Variants in PSMD5 observed in about 807,000 individuals in gnomAD.
PSMD5 encodes 26S proteasome non-ATPase regulatory subunit 5.
PSMD5 carries 40 observed loss-of-function variants against 52.1 expected under a neutral mutation model. That is an observed-to-expected ratio of 0.77 (90% CI 0.60 to 1.00). The LOEUF is 1.00. Ranked by LOEUF, PSMD5 falls within the 50% of genes least tolerant of loss-of-function variation. PSMD5 has a pLI of 0.00. For synonymous variants in PSMD5, 211 were observed against 226.6 expected (o/e 0.93, Z 0.62); for missense variants, 575 against 605.2 (o/e 0.95, Z 0.52).
chr9:120,836,679 G>A (rs1229467167), intron 1 of PSMD5, among the ~76,000 whole-genome samples: 2 of 151,842 alleles, frequency 1.3e-5, no homozygotes, highest in Admixed American at 1.3e-4. Flanking sequence ...TTACAGGTGT[G>A]AGCCACCATG....
At chr9:120,832,436 G>A (rs1262780383) in intron 2 of PSMD5, among the ~76,000 whole-genome samples, 3 of 123,480 alleles carry the variant, frequency 2.4e-5, no homozygotes, top group African/African-American at 3.2e-5. Context: ...TCACTCTTTC[G>A]CCCAGGCTGG....
At chr9:120,839,749 C>A (rs1405259051) in intron 1 of PSMD5, among the ~76,000 whole-genome samples, 2 of 145,936 alleles carry the variant, frequency 1.4e-5, no homozygotes, top group East Asian at 2.1e-4. Flanking sequence ...GTTTTTTTTT[C>A]CTTTTTTTCC....
intron 6 of PSMD5, 90 bp downstream of exon 6, chr9:120,826,675 T>C: frequency 1.4e-6 from 2 of 1,424,224 alleles, no homozygotes; most frequent in Admixed American, 4.6e-5. Flanking sequence ...AAACAATCCC[T>C]GTCCACTCCC....
chr9:120,834,476 GAAGAA>G (rs2045185078), intron 1 of PSMD5, among the ~76,000 whole-genome samples: 1 of 152,180 alleles, frequency 6.6e-6, no homozygotes, highest in Admixed American at 6.5e-5. Flanking sequence ...GAGTTATCCA[GAAGAA>G]AAGTGTTCTA....
rs115110863 is a variant in PSMD5 at position 120,837,387 on chromosome 9, C to T, written c.174-3931G>A. 5.5e-3 allele frequency among the ~76,000 whole-genome samples: 844 copies of T among 152,214 alleles called. 11 individuals are homozygous for T. Among genetic ancestry groups the T allele is most frequent in the African/African-American group, 0.019 (796 of 41,520 alleles). ...CACTTTGTTCTTTTTTTTAGACAAG[C>T]TCTCTCTGTCACCCAGGCTGGTGTA... On this transcript the variant is annotated intron_variant, in intron 1 of 9. Transcript: ENST00000210313.
Position 120,830,903 on chromosome 9 carries a change from A to AT in PSMD5, c.561+427_561+428insA, listed in dbSNP as rs397712908. On this transcript the variant is annotated intron_variant, in intron 4 of 9. Coordinates refer to ENST00000210313, the MANE Select transcript of PSMD5 (RefSeq NM_005047.4). The stretch of plus-strand genomic sequence containing the variant: ...GCACTGTAAATATATATATATATAT[A>AT]AAAAGGGTCTTGCTCTGTTGGCCAG... Among the ~76,000 whole-genome samples, 781 of 150,642 alleles carry AT rather than the reference A, an allele frequency of 5.2e-3. 7 individuals carry two copies. The highest frequency in any genetic ancestry group is 0.015 in the African/African-American group (615 of 41,160).
At chr9:120,819,793 G>A (rs146295793) in intron 9 of PSMD5, among the ~76,000 whole-genome samples, 92 of 152,116 alleles carry the variant, frequency 6.0e-4, no homozygotes, top group Non-Finnish European at 1.1e-3. Flanking sequence ...CCAAGATCAC[G>A]CCACTGCATT....
chr9:120,827,029 T>C, intron 5 of PSMD5, 122 bp from the exon 6 acceptor site: 2 of 1,038,544 alleles, frequency 1.9e-6, no homozygotes, highest in Non-Finnish European at 2.7e-6. Flanking sequence ...TCAATAATCT[T>C]GGCTCCTCTT....
In PSMD5 at chr9:120,817,596, G is replaced by C. The variant is rs41273390; in HGVS notation, c.*310C>G. The C allele has an allele frequency of 3.6e-6, 1 of 280,026 alleles. No homozygotes were observed. Among genetic ancestry groups the C allele is most frequent in the Admixed American group, 4.7e-5 (1 of 21,396 alleles). The allele number at this position is 280,026 out of a possible 1,614,324, so 17.3% of individuals were successfully genotyped here. On this transcript the variant is annotated 3_prime_UTR_variant, in exon 10 of 10. Transcript: ENST00000210313. ...CTGAAGCAGGCTTTTAGATAAGATTGCATGTCCATGAAAATTTTGAGGGAA... is the reference window on the plus strand; with the variant it reads ...CTGAAGCAGGCTTTTAGATAAGATTCCATGTCCATGAAAATTTTGAGGGAA...
intron 5 of PSMD5, among the ~76,000 whole-genome samples, chr9:120,828,625 A>G (rs1437954731): frequency 6.6e-6 from 1 of 151,642 alleles, no homozygotes; most frequent in African/African-American, 2.4e-5. Context: ...ACAGGGTTTC[A>G]CTATGTTGGC....
rs142248156 is a variant in PSMD5, at chr9:120,831,969, ACT to A, written c.319-26_319-25del. On this transcript the variant is annotated intron_variant, in intron 2 of 9. Transcript: ENST00000210313. ...ATCTGAAAGAAAAACAATCAGAAAC[ACT>A]CTTCTAAAGTAGGGCAACATACGGT... 328 of 1,606,488 alleles carry A rather than the reference ACT, an allele frequency of 2.0e-4. 2 individuals carry two copies. In the African/African-American group the frequency reaches 4.1e-3, roughly 20 times the overall value.
At chr9:120,827,512 T>G (rs1225414399) in intron 5 of PSMD5, among the ~76,000 whole-genome samples, 3 of 152,190 alleles carry the variant, frequency 2.0e-5, no homozygotes, top group Non-Finnish European at 4.4e-5. Flanking sequence ...ACTAAAAAAT[T>G]TATTTAGTTG....
rs1332860788 is a variant in PSMD5 at position 120,817,877 on chromosome 9, G to A, written c.*29C>T. ...CCTTAGGAGAAGTTTTGGTCAAAAC[G>A]TGGTCCTCTACATGAGCTCTAGAAG... is the stretch of plus-strand genomic sequence containing the variant. On this transcript the variant is annotated 3_prime_UTR_variant, in exon 10 of 10. Coordinates refer to ENST00000210313, the MANE Select transcript of PSMD5 (RefSeq NM_005047.4). 4.4e-6 allele frequency: 7 copies of A among 1,581,956 alleles called. No homozygotes were observed. In the African/African-American group the frequency reaches 5.4e-5, roughly 12 times the overall value.
At chr9:120,829,469 C>T (rs564261925) in intron 4 of PSMD5, among the ~76,000 whole-genome samples, 23 of 152,334 alleles carry the variant, frequency 1.5e-4, no homozygotes, top group African/African-American at 5.3e-4. Flanking sequence ...TCTCAGCTCA[C>T]TGCAACCTCT....
chr9:120,821,329 C>G lies in PSMD5; in HGVS notation c.1116+26G>C, dbSNP rs563621115. On this transcript the variant is annotated intron_variant, in intron 8 of 9. Coordinates refer to ENST00000210313, the MANE Select transcript of PSMD5 (RefSeq NM_005047.4). ...TATTCTCCCAAACATATCCCACTGT[C>G]CTTCATTATTTCCCTACCTACTTAC... is the stretch of plus-strand genomic sequence containing the variant. 2.3e-5 allele frequency: 32 copies of G among 1,394,696 alleles called. No homozygotes were observed. The East Asian group carries it at 6.7e-4, about 29-fold the overall frequency. The allele number at this position is 1,394,696 out of a possible 1,614,324, so 86.4% of individuals were successfully genotyped here.
In PSMD5 at chr9:120,833,406, A is replaced by G; in HGVS notation, c.224T>C (p.Met75Thr). The change falls in exon 2 of 10, where the codon ATG (methionine) becomes ACG (threonine). Residue 75 changes from methionine to threonine, a missense_variant. Transcript: ENST00000210313. ...VSILERLLQA[M>T]EPVHVARNLR... ...GTTCCGGGCCACGTGAACCGGTTCC[A>G]TAGCTTGGAGCAATCTCTCCAGAAT... 1 of 1,614,094 alleles carries G rather than the reference A, an allele frequency of 6.2e-7. No homozygotes were observed. The highest frequency in any genetic ancestry group is 1.3e-5 in the African/African-American group (1 of 75,044).
intron 1 of PSMD5, among the ~76,000 whole-genome samples, chr9:120,834,664 G>A (rs34355596): frequency 0.12 from 18,246 of 152,252 alleles, 1,265 homozygotes; most frequent in Middle Eastern, 0.17. Context: ...ACAGAAGCCA[G>A]ATTCTAACAG....
At chr9:120,828,827 T>C (rs1156802389) in intron 5 of PSMD5, among the ~76,000 whole-genome samples, 2 of 152,210 alleles carry the variant, frequency 1.3e-5, no homozygotes, top group Non-Finnish European at 2.9e-5. Flanking sequence ...AGTTACCACA[T>C]GATTGCAACT....
At chr9:120,839,625 T>A (rs1343709408) in intron 1 of PSMD5, among the ~76,000 whole-genome samples, 1 of 152,150 alleles carries the variant, frequency 6.6e-6, no homozygotes, top group Non-Finnish European at 1.5e-5. Context: ...TCTGAAATCA[T>A]CCACTGTTGA....
Sources: gnomAD v4.1 joint callset for allele counts (sites outside exome capture counted in the v4.1 genomes callset) on GRCh38, gnomAD v4.1.1 for gene constraint, MANE v1.5 for transcripts, NCBI Gene and HGNC (gene_info 2026-07-23, HGNC 2026-07-21) for gene names.